The following KIAA1217 variants were observed in gnomAD, a reference collection of about 807,000 sequenced individuals.
KIAA1217 encodes sickle tail protein homolog.
Under a neutral mutation model 163.9 loss-of-function variants are expected in KIAA1217, and 88 were observed. That is an observed-to-expected ratio of 0.54 (90% CI 0.45 to 0.64). The LOEUF is 0.64. KIAA1217 is among the 30% of genes least tolerant of loss of function. The pLI is 0.00. For missense variants in KIAA1217, 2,372 were observed against 2,475.0 expected (o/e 0.96, Z 0.88); for synonymous variants, 903 against 923.1 (o/e 0.98, Z 0.39).
At chr10:24,319,571 G>T (rs993943346) in intron 2 of KIAA1217, among the ~76,000 whole-genome samples, 4 of 152,150 alleles carry the variant, frequency 2.6e-5, no homozygotes, top group African/African-American at 7.2e-5. Flanking sequence ...CATGGTTGGG[G>T]AGTTAGGAGA....
intron 5 of KIAA1217, among the ~76,000 whole-genome samples, chr10:24,445,080 G>A (rs1202762337): frequency 6.6e-6 from 1 of 152,178 alleles, no homozygotes; most frequent in East Asian, 1.9e-4. Flanking sequence ...TTTTGTGTCT[G>A]CAGAGTAGGC....
intron 1 of KIAA1217, among the ~76,000 whole-genome samples, chr10:23,998,346 T>C (rs1846592721): frequency 6.6e-6 from 1 of 152,048 alleles, no homozygotes; most frequent in Non-Finnish European, 1.5e-5. Context: ...CAAGAGGTTG[T>C]CTGGTCTGCA....
At chr10:24,370,061 C>T (rs528389305) in intron 2 of KIAA1217, among the ~76,000 whole-genome samples, 7 of 152,064 alleles carry the variant, frequency 4.6e-5, no homozygotes, top group Non-Finnish European at 8.8e-5. Context: ...GTCAGGAGAT[C>T]GAGACCATCC....
intron 3 of KIAA1217, among the ~76,000 whole-genome samples, chr10:24,411,713 A>G (rs527265561): frequency 6.6e-6 from 1 of 152,106 alleles, no homozygotes; most frequent in Non-Finnish European, 1.5e-5. Context: ...TCTGAGTCAC[A>G]CCTATTCTGG....
chr10:23,729,044 A>G (rs1207954074), intron 1 of KIAA1217, among the ~76,000 whole-genome samples: 2 of 152,158 alleles, frequency 1.3e-5, no homozygotes, highest in Non-Finnish European at 2.9e-5. Context: ...TTTGAATCCA[A>G]CAGTACATAG....
At chr10:24,203,065 C>T (rs1476735742) in intron 2 of KIAA1217, among the ~76,000 whole-genome samples, 1 of 151,706 alleles carries the variant, frequency 6.6e-6, no homozygotes, top group Non-Finnish European at 1.5e-5. Context: ...TGGAGTGTGC[C>T]TGTAGTCCCA....
chr10:24,312,500 T>C (rs1355453229), intron 2 of KIAA1217, among the ~76,000 whole-genome samples: 5 of 152,004 alleles, frequency 3.3e-5, no homozygotes, highest in Admixed American at 3.3e-4. Flanking sequence ...ATGCCTGTAA[T>C]CCCAGCTGCT....
At chr10:24,185,403 AT>A (rs2066379361) in intron 2 of KIAA1217, among the ~76,000 whole-genome samples, 1 of 152,092 alleles carries the variant, frequency 6.6e-6, no homozygotes, top group Admixed American at 6.6e-5. Flanking sequence ...ACTATCTGTT[AT>A]TTTGTTACTT....
At chr10:24,409,997 C>CT (rs71397947) in intron 3 of KIAA1217, among the ~76,000 whole-genome samples, 12,590 of 123,822 alleles carry the variant, frequency 0.1, 1,685 homozygotes, top group African/African-American at 0.3. Context: ...TTTCTTTTTT[C>CT]TTTTTTTTTT....
At chr10:23,851,464 A>G (rs527567482) in intron 1 of KIAA1217, among the ~76,000 whole-genome samples, 8 of 152,318 alleles carry the variant, frequency 5.3e-5, no homozygotes, top group African/African-American at 1.4e-4. Context: ...ATAGTGCCAC[A>G]ATAAACATAT....
intron 2 of KIAA1217, among the ~76,000 whole-genome samples, chr10:24,100,238 C>G (rs139746139): frequency 6.6e-6 from 1 of 151,970 alleles, no homozygotes; most frequent in Non-Finnish European, 1.5e-5. Flanking sequence ...TGCTACTCTA[C>G]TTGGTCAATA....
intron 1 of KIAA1217, among the ~76,000 whole-genome samples, chr10:23,866,774 C>A (rs1013024929): frequency 2.0e-5 from 3 of 152,084 alleles, no homozygotes; most frequent in African/African-American, 7.2e-5. Context: ...AGAGACAACA[C>A]AAGTTGGCCA....
At chr10:23,940,491 A>G (rs932261199) in intron 1 of KIAA1217, among the ~76,000 whole-genome samples, 1 of 151,426 alleles carries the variant, frequency 6.6e-6, no homozygotes, top group Non-Finnish European at 1.5e-5. Flanking sequence ...AAAAGAAAAA[A>G]GAAAAAAAGA....
intron 1 of KIAA1217, among the ~76,000 whole-genome samples, chr10:23,936,428 T>G (rs1428444119): frequency 6.6e-6 from 1 of 152,298 alleles, no homozygotes; most frequent in Non-Finnish European, 1.5e-5. Flanking sequence ...GTGACCTCAT[T>G]TGCGCTCTTG....
chr10:23,864,542 A>T (rs1176334005), intron 1 of KIAA1217, among the ~76,000 whole-genome samples: 3 of 151,404 alleles, frequency 2.0e-5, no homozygotes, highest in African/African-American at 7.3e-5. Flanking sequence ...ACACACACAC[A>T]CACACACACA....
chr10:24,388,917 G>A lies in KIAA1217; in HGVS notation c.553+7850G>A, dbSNP rs562051025. On this transcript the variant is annotated intron_variant, in intron 3 of 20. Transcript: ENST00000376454. ...AAGTCAGGAAACGACATGTGCTGGAGAGGATGTGGAGAAATAGGAACACTT... is the reference window on the plus strand; with the variant it reads ...AAGTCAGGAAACGACATGTGCTGGAAAGGATGTGGAGAAATAGGAACACTT... Among the ~76,000 whole-genome samples the A allele has an allele frequency of 3.4e-3, 505 of 146,914 alleles. 1 individual carries two copies. Among genetic ancestry groups the A allele is most frequent in the African/African-American group, 0.013 (477 of 37,720 alleles).
intron 2 of KIAA1217, among the ~76,000 whole-genome samples, chr10:24,084,000 T>C (rs939288782): frequency 7.2e-5 from 11 of 152,196 alleles, no homozygotes; most frequent in African/African-American, 2.4e-4. Flanking sequence ...TAAGAAAATA[T>C]TACAGAGAGT....
At chr10:23,934,718 C>T (rs551106112) in intron 1 of KIAA1217, among the ~76,000 whole-genome samples, 16 of 148,484 alleles carry the variant, frequency 1.1e-4, no homozygotes, top group African/African-American at 3.2e-4. Flanking sequence ...CCCGGGTTCA[C>T]GCCATTCTCC....
At chr10:24,501,750 T>A (rs1178069731) in intron 9 of KIAA1217, among the ~76,000 whole-genome samples, 1 of 121,310 alleles carries the variant, frequency 8.2e-6, no homozygotes, top group African/African-American at 3.3e-5. Context: ...TTTTTTTTTT[T>A]TTTTTTTTTT....
Sources: allele counts gnomAD v4.1 joint callset (sites outside exome capture counted in the v4.1 genomes callset), GRCh38; gene constraint gnomAD v4.1.1; transcripts MANE v1.5; gene names NCBI Gene and HGNC (gene_info 2026-07-23, HGNC 2026-07-21).